MLYCD: variants seen among roughly 807,000 people sequenced by gnomAD.
The protein encoded by MLYCD is malonyl-CoA decarboxylase.
MLYCD carries 27 observed loss-of-function variants against 35.8 expected under a neutral mutation model. The ratio of observed to expected loss-of-function variants is 0.75; its 90% confidence interval spans 0.56 to 1.04. The LOEUF (loss-of-function observed/expected upper bound fraction) is 1.04, where lower values mean the gene tolerates loss of function less well. Ranked by LOEUF, MLYCD falls within the 50% of genes least tolerant of loss-of-function variation. The probability of loss-of-function intolerance (pLI) is 0.00; values close to 1 mark genes in which losing one functional copy is unlikely to be tolerated. For missense variants in MLYCD, 917 were observed against 665.1 expected, an observed-to-expected ratio of 1.38 and a Z score of -4.17; for synonymous variants, 403 against 302.4, an observed-to-expected ratio of 1.33 and a Z score of -3.45.
At chr16:83,912,444 T>G in intron 4 of MLYCD, 77 bp downstream of exon 4, 1 of 1,580,768 alleles carries the variant, frequency 6.3e-7, no homozygotes, top group Non-Finnish European at 8.7e-7. Context: ...GGGTGTCAGG[T>G]GCCATGAGGG....
Position 83,915,182 on chromosome 16 carries a change from G to A in MLYCD, c.1175G>A (p.Arg392Gln), listed in dbSNP as rs201576638. The A allele has an allele frequency of 1.7e-4, 269 of 1,613,964 alleles. No homozygotes were observed. Among genetic ancestry groups the A allele is most frequent in the Non-Finnish European group, 2.1e-4 (249 of 1,179,940 alleles). ...SEWVQSEKLV[R>Q]ALQTPLMRLC... ...TGGGTGCAGTCGGAGAAGCTGGTGC[G>A]GGCGCTGCAGACTCCGCTGATGAGG... Residue 392 changes from arginine to glutamine, a missense_variant, in exon 5 of 5, where the codon CGG becomes CAG. Arg to Gln is a conservative substitution (Grantham distance 43, BLOSUM62 1). Transcript: ENST00000262430.
intron 4 of MLYCD, chr16:83,913,144 A>G (rs1158772705): frequency 6.5e-6 from 1 of 152,792 alleles, no homozygotes; most frequent in African/African-American, 2.4e-5. Context: ...TGAGGACGAC[A>G]GTGTGGAGTG....
In MLYCD at chr16:83,921,401, G is replaced by T. The variant is rs1907649340; in HGVS notation, c.*5912G>T. ...TGGATGGATAGATGGATGGAGGAGGGTGGATGGAAGGAAGGAGGATGGATG... is the reference window on the plus strand; with the variant it reads ...TGGATGGATAGATGGATGGAGGAGGTTGGATGGAAGGAAGGAGGATGGATG... On this transcript the variant is annotated 3_prime_UTR_variant, in exon 5 of 5. Coordinates refer to ENST00000262430, the MANE Select transcript of MLYCD (RefSeq NM_012213.3). The T allele has an allele frequency of 7.1e-6, 1 of 141,256 alleles. No homozygotes were observed. Among genetic ancestry groups the T allele is most frequent in the African/African-American group, 2.6e-5 (1 of 37,942 alleles). 8.8% of individuals were successfully genotyped at this position (141,256 alleles called of 1,614,324 possible). A position where few individuals can be genotyped will look rare whatever the true frequency, so the allele number is the denominator to read the frequency against.
At chr16:83,910,015 G>A (rs888103858) in intron 3 of MLYCD, among the ~76,000 whole-genome samples, 3 of 152,050 alleles carry the variant, frequency 2.0e-5, no homozygotes, top group Non-Finnish European at 2.9e-5. Context: ...AGTAAGGGCG[G>A]AACTGGAATT....
intron 3 of MLYCD, 119 bp from the exon 4 acceptor site, chr16:83,912,099 G>C: frequency 1.4e-6 from 2 of 1,428,950 alleles, no homozygotes; most frequent in Admixed American, 1.7e-5. Flanking sequence ...CTGGGGAGCC[G>C]AGGTCTCTTC....
At chr16:83,908,833 G>A (rs28716299) in intron 3 of MLYCD, among the ~76,000 whole-genome samples, 32,568 of 152,114 alleles carry the variant, frequency 0.21, 4,213 homozygotes, top group African/African-American at 0.37. Flanking sequence ...CTGCAGGCCC[G>A]TGGGGGCAGA....
At position 83,923,148 on chromosome 16, in the gene MLYCD, A is replaced by C. The variant is rs1378831159; in HGVS notation, c.*7659A>C. On this transcript the variant is annotated 3_prime_UTR_variant, in exon 5 of 5. Transcript: ENST00000262430. The stretch of plus-strand genomic sequence containing the variant: ...ACCTTCACTGACCTCCAGGGCAAGA[A>C]CAACCAAGAGTTGCTCCCAAGAGGG... 1 of 152,296 alleles carries C rather than the reference A, an allele frequency of 6.6e-6. No homozygotes were observed. Among genetic ancestry groups the C allele is most frequent in the Admixed American group, 6.5e-5 (1 of 15,286 alleles). 9.4% of individuals were successfully genotyped at this position (152,296 alleles called of 1,614,324 possible). A position where few individuals can be genotyped will look rare whatever the true frequency, so the allele number is the denominator to read the frequency against.
chr16:83,915,657 C>G lies in MLYCD; in HGVS notation c.*168C>G. On this transcript the variant is annotated 3_prime_UTR_variant, in exon 5 of 5. Coordinates refer to ENST00000262430, the MANE Select transcript of MLYCD (RefSeq NM_012213.3). The stretch of plus-strand genomic sequence containing the variant: ...AGGCCAGGCCTCAACTTCCCTCACC[C>G]TGGGCGTGACATGCACCCAGTGCAA... 1.3e-6 allele frequency: 2 copies of G among 1,502,308 alleles called. No individual in the cohort carries two copies. The highest frequency in any genetic ancestry group is 1.8e-6 in the Non-Finnish European group (2 of 1,129,078). 93.1% of individuals were successfully genotyped at this position (1,502,308 alleles called of 1,614,324 possible).
intron 4 of MLYCD, 169 bp downstream of exon 4, chr16:83,912,536 T>A: frequency 1.2e-6 from 1 of 834,744 alleles, no homozygotes; most frequent in Non-Finnish European, 1.9e-6. Context: ...CTAGGAGCCA[T>A]GAGTCTCCCA....
Position 83,915,463 on chromosome 16 carries a change from C to A in MLYCD, c.1456C>A (p.Gln486Lys). 6.2e-7 allele frequency: 1 copy of A among 1,612,852 alleles called. No homozygotes were observed. Among genetic ancestry groups the A allele is most frequent in the South Asian group, 1.1e-5 (1 of 91,084 alleles). ...ASEQVLSLVAQFQKNSKL is the reference protein window; with the variant it reads ...ASEQVLSLVAKFQKNSKL ...TGAGCAGGTCCTCAGCCTAGTGGCC[C>A]AGTTTCAAAAGAACAGCAAGCTCTG... The change falls in exon 5 of 5, where the codon CAG becomes AAG. Residue 486 changes from glutamine (Q) to lysine (K), a missense_variant. Physicochemically the swap from Gln to Lys is moderately conservative, Grantham distance 53. Coordinates refer to ENST00000262430, the MANE Select transcript of MLYCD (RefSeq NM_012213.3).
At chr16:83,911,504 G>C (rs1907178588) in intron 3 of MLYCD, among the ~76,000 whole-genome samples, 1 of 152,222 alleles carries the variant, frequency 6.6e-6, no homozygotes, top group Non-Finnish European at 1.5e-5. Context: ...GAGTGTTAAG[G>C]ATTATGCTTC....
intron 2 of MLYCD, among the ~76,000 whole-genome samples, chr16:83,907,564 T>C (rs1907024895): frequency 6.6e-6 from 1 of 152,222 alleles, no homozygotes; most frequent in African/African-American, 2.4e-5. Context: ...CAGGCTAGCA[T>C]GTCACGGTGC....
chr16:83,914,612 G>C, intron 4 of MLYCD: 1 of 371,686 alleles, frequency 2.7e-6, no homozygotes, highest in Non-Finnish European at 5.2e-6. Context: ...GCACACATCA[G>C]GTTCCTGATA....
rs1415683912 is a variant in MLYCD, at chr16:83,924,135, C to G, written c.*8646C>G. 6.6e-6 allele frequency: 1 copy of G among 152,254 alleles called. No homozygotes were observed. Among genetic ancestry groups the G allele is most frequent in the African/African-American group, 2.4e-5 (1 of 41,426 alleles). The allele number at this position is 152,254 out of a possible 1,614,324, so 9.4% of individuals were successfully genotyped here. A position where few individuals can be genotyped will look rare whatever the true frequency, so the allele number is the denominator to read the frequency against. On this transcript the variant is annotated 3_prime_UTR_variant, in exon 5 of 5. Coordinates refer to ENST00000262430, the MANE Select transcript of MLYCD (RefSeq NM_012213.3). ...CAGACCACGGGAAGACAGGAGGAAC[C>G]CGGACCTGGCTCTCGTGCAGGAAGC...
rs1395759902 is a variant in MLYCD, at chr16:83,922,999, T to C, written c.*7510T>C. On this transcript the variant is annotated 3_prime_UTR_variant, in exon 5 of 5. Transcript: ENST00000262430. ...CTCAGGGAGAGCCCAGGCCACCGGC[T>C]AGCTCCAGACTGGCTCTGCAGGGCC... 6.6e-6 allele frequency: 1 copy of C among 152,314 alleles called. No homozygotes were observed. Among genetic ancestry groups the C allele is most frequent in the East Asian group, 1.9e-4 (1 of 5,178 alleles). 9.4% of individuals were successfully genotyped at this position (152,314 alleles called of 1,614,324 possible).
At chr16:83,913,882 C>T (rs552379324) in intron 4 of MLYCD, 34 of 149,418 alleles carry the variant, frequency 2.3e-4, no homozygotes, top group Middle Eastern at 7.0e-3. Flanking sequence ...ACGAGAGGAA[C>T]ATGGTGAGGA....
In MLYCD at chr16:83,915,523, T is replaced by C. The variant is rs1317731301; in HGVS notation, c.*34T>C. 6.2e-7 allele frequency: 1 copy of C among 1,602,662 alleles called. No homozygotes were observed. Among genetic ancestry groups the C allele is most frequent in the Non-Finnish European group, 8.5e-7 (1 of 1,179,400 alleles). On this transcript the variant is annotated 3_prime_UTR_variant, in exon 5 of 5. Transcript: ENST00000262430. ...CTCTCCTAAAGCACAGGGCCCCGGC[T>C]AAGAAAACGATCATTTTCAGGAGGG... is the stretch of plus-strand genomic sequence containing the variant.
At position 83,924,643 on chromosome 16, in the gene MLYCD, GA is replaced by G. The variant is rs1907752020; in HGVS notation, c.*9156del. The G allele has an allele frequency of 6.6e-6, 1 of 152,208 alleles. No individual in the cohort carries two copies. The allele number at this position is 152,208 out of a possible 1,614,324, so 9.4% of individuals were successfully genotyped here. On this transcript the variant is annotated 3_prime_UTR_variant, in exon 5 of 5. Coordinates refer to ENST00000262430, the MANE Select transcript of MLYCD (RefSeq NM_012213.3). ...CCTCCTTGAGCACTTTCGCAGGAGA[GA>G]AGACCAGAGAGCTGCCTTCAAAGAT...
intron 1 of MLYCD, among the ~76,000 whole-genome samples, chr16:83,906,716 A>C (rs993811048): frequency 6.8e-6 from 1 of 146,832 alleles, no homozygotes; most frequent in East Asian, 2.0e-4. Context: ...TGATTTGGGC[A>C]ACTTAGTTCA....
Sources: gnomAD v4.1 joint callset for allele counts (sites outside exome capture counted in the v4.1 genomes callset) on GRCh38, gnomAD v4.1.1 for gene constraint, MANE v1.5 for transcripts, NCBI Gene and HGNC (gene_info 2026-07-23, HGNC 2026-07-21) for gene names.